LAMC3: variants seen among roughly 807,000 people sequenced by gnomAD.
LAMC3 encodes laminin subunit gamma 3.
In LAMC3, 128 loss-of-function variants were observed where a neutral mutation model predicts 173.8. The observed-to-expected ratio is 0.74, with a 90% CI of 0.64 to 0.85. The LOEUF is 0.85. LAMC3 is among the 40% of genes least tolerant of loss of function. The pLI is 0.00. For synonymous variants in LAMC3, 897 were observed against 909.1 expected, an observed-to-expected ratio of 0.99 and a Z score of 0.24; for missense variants, 2,022 against 2,156.0, an observed-to-expected ratio of 0.94 and a Z score of 1.23.
chr9:131,023,070 C>G, intron 1 of LAMC3, among the ~76,000 whole-genome samples: 1 of 152,266 alleles, frequency 6.6e-6, no homozygotes, highest in Admixed American at 6.5e-5. Flanking sequence ...TTAACGTTCT[C>G]GTGGTTCATT....
At chr9:131,062,043 C>A (rs1829837179) in intron 13 of LAMC3, among the ~76,000 whole-genome samples, 1 of 151,520 alleles carries the variant, frequency 6.6e-6, no homozygotes, top group African/African-American at 2.4e-5. Flanking sequence ...AGAGCCAGAC[C>A]CTATATCCAA....
At chr9:131,042,573 C>T (rs1417082957) in intron 7 of LAMC3, among the ~76,000 whole-genome samples, 1 of 151,956 alleles carries the variant, frequency 6.6e-6, no homozygotes, top group Non-Finnish European at 1.5e-5. Context: ...CCATGGCAAA[C>T]ATCACTAATG....
At chr9:131,055,947 C>T (rs1834396826) in intron 11 of LAMC3, among the ~76,000 whole-genome samples, 1 of 152,024 alleles carries the variant, frequency 6.6e-6, no homozygotes. Context: ...CCTGTAATTC[C>T]AGCACTTTGG....
At chr9:131,023,212 T>C (rs1025232436) in intron 1 of LAMC3, among the ~76,000 whole-genome samples, 2 of 152,216 alleles carry the variant, frequency 1.3e-5, no homozygotes, top group Admixed American at 6.5e-5. Context: ...TCTTTGGCTG[T>C]TGCAAAGAAA....
chr9:131,051,922 AGGTAC>A (rs1221095802), intron 9 of LAMC3, among the ~76,000 whole-genome samples: 2 of 152,168 alleles, frequency 1.3e-5, no homozygotes, highest in African/African-American at 4.8e-5. Context: ...ATGAGTCAGA[AGGTAC>A]CGCACAGCGC....
intron 24 of LAMC3, among the ~76,000 whole-genome samples, chr9:131,084,938 CAAA>C (rs35487130): frequency 3.4e-4 from 42 of 123,662 alleles, no homozygotes; most frequent in Admixed American, 3.3e-4. Context: ...GACCTTGTCT[CAAA>C]AAAAAAAAAA....
chr9:131,043,674 C>A (rs1017957887), intron 7 of LAMC3, among the ~76,000 whole-genome samples: 17 of 152,154 alleles, frequency 1.1e-4, no homozygotes, highest in Non-Finnish European at 2.2e-4. Flanking sequence ...AAGAGACAAA[C>A]CTTCCTTGCA....
At position 131,039,227 on chromosome 9, in the gene LAMC3, C is replaced by A. The variant is rs376262461; in HGVS notation, c.1262C>A (p.Ser421Ter). The change falls in exon 6 of 28, where the codon TCG (serine) becomes TAG (stop). Residue 421 changes from serine to a stop codon, truncating the protein, a stop_gained. Transcript: ENST00000361069. LOFTEE classifies it high-confidence loss of function. ...KCDRCLPGFH[S>*]LSEGGCRPCT... ...GACCGCTGTCTGCCCGGGTTCCACT[C>A]GCTCAGTGAGGGAGGCTGCAGGTGA... The A allele has an allele frequency of 6.2e-6, 10 of 1,605,964 alleles. No individual in the cohort carries two copies. The highest frequency in any genetic ancestry group is 7.6e-6 in the Non-Finnish European group (9 of 1,179,950).
intron 6 of LAMC3, among the ~76,000 whole-genome samples, chr9:131,040,375 T>C (rs560087271): frequency 6.6e-6 from 1 of 152,040 alleles, no homozygotes; most frequent in Non-Finnish European, 1.5e-5. Context: ...GATGGGGTTT[T>C]GCCATGTTGC....
chr9:131,056,306 C>T (rs978932951), intron 11 of LAMC3, among the ~76,000 whole-genome samples: 16 of 152,242 alleles, frequency 1.1e-4, no homozygotes, highest in Middle Eastern at 3.4e-3. Flanking sequence ...GTTTCCTACA[C>T]GCCATCCTCC....
At chr9:131,081,809 C>T (rs1588169271) in intron 23 of LAMC3, among the ~76,000 whole-genome samples, 1 of 152,320 alleles carries the variant, frequency 6.6e-6, no homozygotes, top group East Asian at 1.9e-4. Flanking sequence ...TTCAGGTGTT[C>T]TCGTTCCTTT....
At position 131,038,918 on chromosome 9, in the gene LAMC3, G is replaced by A. The variant is rs143795459; in HGVS notation, c.1031G>A (p.Arg344His). Reference sequence around the variant, plus strand: ...TGCACGTTTGATCGGGAGCTCTTCCGCAGCACAGGCCACGGCGGGCGCTGT... The same window carrying A: ...TGCACGTTTGATCGGGAGCTCTTCCACAGCACAGGCCACGGCGGGCGCTGT... ...EECTFDRELF[R>H]STGHGGRCHH... Residue 344 changes from arginine (R) to histidine (H), a missense_variant, in exon 5 of 28, where the codon CGC becomes CAC. By Grantham distance (29) the Arg-to-His change is conservative. Coordinates refer to ENST00000361069, the MANE Select transcript of LAMC3 (RefSeq NM_006059.4). 3.7e-5 allele frequency: 59 copies of A among 1,613,276 alleles called. No individual in the cohort carries two copies. The highest frequency in any genetic ancestry group is 2.4e-4 in the African/African-American group (18 of 75,018).
Position 131,011,718 on chromosome 9 carries a change from A to G in LAMC3, c.373+2131A>G, listed in dbSNP as rs114611888. Among the ~76,000 whole-genome samples, 522 of 151,754 alleles carry G rather than the reference A, an allele frequency of 3.4e-3. 4 individuals are homozygous for G. The highest frequency in any genetic ancestry group is 0.012 in the African/African-American group (501 of 41,326). ...TCTGGATGGAGCTGGCAGGACCCCA[A>G]GGCCACAGGGGAAGGAATCTGGGAC... is the stretch of plus-strand genomic sequence containing the variant. On this transcript the variant is annotated intron_variant, in intron 1 of 27. Coordinates refer to ENST00000361069, the MANE Select transcript of LAMC3 (RefSeq NM_006059.4).
At chr9:131,010,018 G>A (rs57959310) in intron 1 of LAMC3, among the ~76,000 whole-genome samples, 2,473 of 152,060 alleles carry the variant, frequency 0.016, 74 homozygotes, top group African/African-American at 0.056. Context: ...GCCGGGCGTG[G>A]TGGTAGGTGC....
chr9:131,067,217 C>T lies in LAMC3; in HGVS notation c.2593+12C>T, dbSNP rs765261094. 6.2e-7 allele frequency: 1 copy of T among 1,612,688 alleles called. No homozygotes were observed. Among genetic ancestry groups the T allele is most frequent in the Admixed American group, 1.7e-5 (1 of 60,004 alleles). ...AGACAAATGCATGCGTGAGTACCTA[C>T]CTCCAGACCCCAGGGTGGCACATGG... On this transcript the variant is annotated intron_variant, in intron 14 of 27. Transcript: ENST00000361069.
intron 12 of LAMC3, among the ~76,000 whole-genome samples, chr9:131,057,357 G>C (rs925009677): frequency 2.0e-5 from 3 of 152,260 alleles, no homozygotes; most frequent in African/African-American, 7.2e-5. Flanking sequence ...TGAAGCCTCA[G>C]GCTCTGTGCC....
intron 13 of LAMC3, among the ~76,000 whole-genome samples, chr9:131,062,699 T>C (rs2133302482): frequency 6.6e-6 from 1 of 151,832 alleles, no homozygotes; most frequent in South Asian, 2.1e-4. Context: ...CAAAACCTCG[T>C]CTCTACTAAA....
rs200311402 is a variant in LAMC3 at position 131,069,647 on chromosome 9, C to T, written c.2891-25C>T. 6.4e-4 allele frequency: 1,015 copies of T among 1,590,520 alleles called. 24 individuals carry two copies. The East Asian group carries it at 0.019, about 29-fold the overall frequency. On this transcript the variant is annotated intron_variant, in intron 16 of 27. Transcript: ENST00000361069. Reference sequence around the variant, plus strand: ...CTGCCCCTGGCCCCTCTAAACCCAGCACGCACTGCCCCTGGCCCCTCTAGC... The same window carrying T: ...CTGCCCCTGGCCCCTCTAAACCCAGTACGCACTGCCCCTGGCCCCTCTAGC...
Position 131,057,150 on chromosome 9 carries a change from G to T in LAMC3, c.2158+3G>T. On this transcript the variant is annotated splice_donor_region_variant and intron_variant, in intron 12 of 27. Coordinates refer to ENST00000361069, the MANE Select transcript of LAMC3 (RefSeq NM_006059.4). ...TGGCACCTGTGACCCCAACACAGGT[G>T]AGTCTCCTGGCACCCCATCCGAAGG... 6.2e-7 allele frequency: 1 copy of T among 1,613,192 alleles called. No homozygotes were observed. The highest frequency in any genetic ancestry group is 8.5e-7 in the Non-Finnish European group (1 of 1,179,348).
Sources: allele counts gnomAD v4.1 joint callset (sites outside exome capture counted in the v4.1 genomes callset), GRCh38; gene constraint gnomAD v4.1.1; transcripts MANE v1.5; gene names NCBI Gene and HGNC (gene_info 2026-07-23, HGNC 2026-07-21).